Variants in ITGB8 observed in about 807,000 individuals in gnomAD.
ITGB8 encodes integrin subunit beta 8.
Under a neutral mutation model 89.5 loss-of-function variants are expected in ITGB8, and 30 were observed. That is an observed-to-expected ratio of 0.34 (90% CI 0.25 to 0.45). The LOEUF is 0.45. Ranked by LOEUF, ITGB8 falls within the 20% of genes least tolerant of loss-of-function variation. The probability of loss-of-function intolerance (pLI) is 1.00; values close to 1 mark genes in which losing one functional copy is unlikely to be tolerated. For missense variants in ITGB8, 836 were observed against 933.3 expected, an observed-to-expected ratio of 0.90 and a Z score of 1.36; for synonymous variants, 335 against 320.4, an observed-to-expected ratio of 1.05 and a Z score of -0.49.
chr7:20,331,643 C>T lies in ITGB8; in HGVS notation c.-164C>T. 1.3e-6 allele frequency: 1 copy of T among 766,034 alleles called. No individual in the cohort carries two copies. The highest frequency in any genetic ancestry group is 1.9e-6 in the Non-Finnish European group (1 of 528,534). 47.5% of individuals were successfully genotyped at this position (766,034 alleles called of 1,614,324 possible). On this transcript the variant is annotated 5_prime_UTR_variant, in exon 1 of 14. Transcript: ENST00000222573. Reference sequence around the variant, plus strand: ...TGAGATGCCGAGCGGTGCCCGGGCCCGCTTACCTGCACCGCTTGCTCCGAG... The same window carrying T: ...TGAGATGCCGAGCGGTGCCCGGGCCTGCTTACCTGCACCGCTTGCTCCGAG...
chr7:20,335,615 C>G (rs1371478068), intron 1 of ITGB8, among the ~76,000 whole-genome samples: 1 of 152,104 alleles, frequency 6.6e-6, no homozygotes, highest in Non-Finnish European at 1.5e-5. Context: ...TATTTTTTCT[C>G]TCCTTTTGCT....
intron 3 of ITGB8, among the ~76,000 whole-genome samples, chr7:20,370,265 GA>G (rs924436323): frequency 6.6e-6 from 1 of 151,154 alleles, no homozygotes; most frequent in East Asian, 1.9e-4. Context: ...CATAATTATA[GA>G]AAAAAATTCA....
intron 7 of ITGB8, among the ~76,000 whole-genome samples, chr7:20,392,353 A>T (rs569858071): frequency 1.3e-5 from 2 of 152,226 alleles, no homozygotes; most frequent in Admixed American, 1.3e-4. Flanking sequence ...ACTTATTTTT[A>T]AAAACTGCAG....
intron 3 of ITGB8, among the ~76,000 whole-genome samples, chr7:20,369,186 C>G (rs1365349952): frequency 6.6e-6 from 1 of 152,054 alleles, no homozygotes; most frequent in Non-Finnish European, 1.5e-5. Flanking sequence ...CTGAAAAACC[C>G]ACACCTTAAT....
chr7:20,331,945 T>C lies in ITGB8; in HGVS notation c.127+12T>C, dbSNP rs749150373. The C allele has an allele frequency of 6.2e-7, 1 of 1,613,456 alleles. No homozygotes were observed. Among genetic ancestry groups the C allele is most frequent in the Non-Finnish European group, 8.5e-7 (1 of 1,179,750 alleles). ...ACTGGGCCAAGGTGGTAAGTTGTTTTGTTTTGTTTTGTTTTCTTCTCTTCC... is the reference window on the plus strand; with the variant it reads ...ACTGGGCCAAGGTGGTAAGTTGTTTCGTTTTGTTTTGTTTTCTTCTCTTCC... On this transcript the variant is annotated intron_variant, in intron 1 of 13. Coordinates refer to ENST00000222573, the MANE Select transcript of ITGB8 (RefSeq NM_002214.3).
At chr7:20,381,104 GC>G (rs1252196298) in intron 5 of ITGB8, 2 of 295,748 alleles carry the variant, frequency 6.8e-6, no homozygotes, top group Non-Finnish European at 1.3e-5. Context: ...TTTCTCATGC[GC>G]CACACTCCAA....
At chr7:20,330,541 A>G (rs1427814486), upstream of ITGB8, among the ~76,000 whole-genome samples, 1 of 152,174 alleles carries the variant, frequency 6.6e-6, no homozygotes, top group Non-Finnish European at 1.5e-5. Context: ...TTGCGCGGCT[A>G]CGCTTCAGGA....
intron 1 of ITGB8, among the ~76,000 whole-genome samples, chr7:20,336,166 C>T (rs1156759324): frequency 2.0e-5 from 3 of 152,078 alleles, no homozygotes; most frequent in East Asian, 1.9e-4. Context: ...CCACCACGCC[C>T]GGCTAATTTT....
At chr7:20,344,887 TG>T (rs1346686703) in intron 1 of ITGB8, among the ~76,000 whole-genome samples, 4 of 152,240 alleles carry the variant, frequency 2.6e-5, no homozygotes, top group African/African-American at 9.6e-5. Context: ...CTGGTATTGC[TG>T]TAAGCCTCGG....
chr7:20,353,931 C>CAAAAAAA (rs1158594685), intron 1 of ITGB8, among the ~76,000 whole-genome samples: 133 of 55,344 alleles, frequency 2.4e-3, no homozygotes, highest in Middle Eastern at 0.025. Context: ...GACTCCGTCT[C>CAAAAAAA]AAAAAAAAAA....
chr7:20,368,529 C>CT (rs751711455), intron 3 of ITGB8, among the ~76,000 whole-genome samples: 34 of 152,072 alleles, frequency 2.2e-4, no homozygotes, highest in Non-Finnish European at 3.8e-4. Context: ...CTTTATCTCT[C>CT]TTTTTTGTGT....
intron 6 of ITGB8, among the ~76,000 whole-genome samples, chr7:20,387,221 G>A (rs1172576705): frequency 2.0e-5 from 3 of 152,164 alleles, no homozygotes; most frequent in African/African-American, 7.2e-5. Flanking sequence ...CTTTATAAAT[G>A]AGGAGGGAAA....
intron 3 of ITGB8, among the ~76,000 whole-genome samples, chr7:20,374,797 T>G (rs192940114): frequency 7.2e-5 from 11 of 152,322 alleles, no homozygotes; most frequent in Admixed American, 7.2e-4. Flanking sequence ...AAGTATTATG[T>G]AGGAACTTCG....
intron 1 of ITGB8, 134 bp downstream of exon 1, chr7:20,332,067 G>A: frequency 2.1e-6 from 3 of 1,456,742 alleles, no homozygotes; most frequent in South Asian, 1.4e-5. Flanking sequence ...CGGGTGCGGG[G>A]CAGCGTCCTC....
At chr7:20,375,264 C>T (rs1786092879) in intron 3 of ITGB8, among the ~76,000 whole-genome samples, 2 of 151,568 alleles carry the variant, frequency 1.3e-5, no homozygotes, top group African/African-American at 2.4e-5. Context: ...AACTATTTTC[C>T]TCAAAGTTGG....
rs952679336 is a variant in ITGB8, at chr7:20,331,916, T to C, written c.110T>C (p.Leu37Pro). 1 of 1,614,208 alleles carries C rather than the reference T, an allele frequency of 6.2e-7. No homozygotes were observed. The highest frequency in any genetic ancestry group is 2.2e-5 in the East Asian group (1 of 44,884). ...GCAGCCTGGGTGTTTTCACTTGTTC[T>C]TGGACTGGGCCAAGGTGGTAAGTTG... ...LWAAWVFSLV[L>P]GLGQGEDNRC... The change falls in exon 1 of 14, where the codon CTT becomes CCT. Residue 37 changes from leucine to proline, a missense_variant. Coordinates refer to ENST00000222573, the MANE Select transcript of ITGB8 (RefSeq NM_002214.3).
At chr7:20,393,623 C>T (rs992141762) in intron 7 of ITGB8, among the ~76,000 whole-genome samples, 5 of 152,158 alleles carry the variant, frequency 3.3e-5, no homozygotes, top group Non-Finnish European at 7.3e-5. Flanking sequence ...CTCATTGCCC[C>T]ACTGTTCCTT....
At chr7:20,353,063 C>T (rs532491028) in intron 1 of ITGB8, 1 of 152,280 alleles carries the variant, frequency 6.6e-6, no homozygotes, top group South Asian at 2.1e-4. Context: ...TTGTAAATTC[C>T]CTCATGACCT....
At chr7:20,406,687 A>T (rs1163352995) in intron 12 of ITGB8, among the ~76,000 whole-genome samples, 3 of 152,128 alleles carry the variant, frequency 2.0e-5, no homozygotes. Context: ...GGCTCACTTA[A>T]TGTCATACAA....
Sources: allele counts gnomAD v4.1 joint callset (sites outside exome capture counted in the v4.1 genomes callset), GRCh38; gene constraint gnomAD v4.1.1; transcripts MANE v1.5; gene names NCBI Gene and HGNC (gene_info 2026-07-23, HGNC 2026-07-21).